SYN2: variants seen among roughly 807,000 people sequenced by gnomAD.
SYN2 encodes synapsin II, also known as synapsin-2.
SYN2 carries 19 observed loss-of-function variants against 50.9 expected under a neutral mutation model. The observed-to-expected ratio is 0.37, with a 90% confidence interval of 0.26 to 0.55. The LOEUF is 0.55. Among genes scored for constraint, SYN2 ranks in the 20% least tolerant of loss-of-function variants. The pLI, the probability that SYN2 is intolerant of heterozygous loss-of-function variation, is 0.81. For synonymous variants in SYN2, 255 were observed against 224.9 expected (o/e 1.13, Z -1.20); for missense variants, 587 against 576.4 (o/e 1.02, Z -0.19).
At chr3:12,076,797 G>C (rs1695477652) in intron 1 of SYN2, among the ~76,000 whole-genome samples, 1 of 152,078 alleles carries the variant, frequency 6.6e-6, no homozygotes, top group South Asian at 2.1e-4. Context: ...AGACCTCTTT[G>C]AAACTGTTTC....
At chr3:12,126,502 C>T (rs970732151) in intron 1 of SYN2, among the ~76,000 whole-genome samples, 2 of 152,126 alleles carry the variant, frequency 1.3e-5, no homozygotes, top group African/African-American at 2.4e-5. Flanking sequence ...TATTAGAAGC[C>T]CTGTGGGTAA....
intron 11 of SYN2, chr3:12,185,601 G>C: frequency 1.0e-6 from 1 of 985,842 alleles, no homozygotes; most frequent in Non-Finnish European, 1.2e-6. Flanking sequence ...CTTTCCTGAC[G>C]TTGTCCCCTT....
At chr3:12,138,803 G>C (rs1386858032) in intron 1 of SYN2, among the ~76,000 whole-genome samples, 1 of 152,210 alleles carries the variant, frequency 6.6e-6, no homozygotes, top group East Asian at 1.9e-4. Flanking sequence ...AAGCATTGCT[G>C]ATAACAAGGT....
intron 1 of SYN2, among the ~76,000 whole-genome samples, chr3:12,090,430 T>C (rs555150609): frequency 2.4e-4 from 36 of 152,228 alleles, no homozygotes; most frequent in Non-Finnish European, 5.0e-4. Flanking sequence ...TGACACAATG[T>C]AGTGGAAGGA....
At chr3:12,185,879 A>G (rs909796630) in intron 11 of SYN2, among the ~76,000 whole-genome samples, 3 of 152,220 alleles carry the variant, frequency 2.0e-5, no homozygotes, top group African/African-American at 7.2e-5. Flanking sequence ...GGAAGTGGCA[A>G]AAGCTGGTTA....
At chr3:12,185,326 T>C in intron 11 of SYN2, 8 of 985,710 alleles carry the variant, frequency 8.1e-6, no homozygotes, top group Non-Finnish European at 8.4e-6. Flanking sequence ...ATGTTATCAG[T>C]GTGTACATCT....
chr3:12,073,300 C>T (rs2125169720), intron 1 of SYN2, among the ~76,000 whole-genome samples: 1 of 152,114 alleles, frequency 6.6e-6, no homozygotes, highest in Admixed American at 6.5e-5. Flanking sequence ...GATGAGTCAC[C>T]CAGCGAGGTA....
Position 12,122,643 on chromosome 3 carries a change from T to G in SYN2, c.378-18008T>G, listed in dbSNP as rs550839512. ...TATGTGCTGGACAGAAAAAAATGCT[T>G]CCTTTGAGAATTCATAACTACAGGC... On this transcript the variant is annotated intron_variant, in intron 1 of 12. Coordinates refer to ENST00000621198, the MANE Select transcript of SYN2 (RefSeq NM_133625.6). Among the ~76,000 whole-genome samples, 4 of 152,290 alleles carry G rather than the reference T, an allele frequency of 2.6e-5. No homozygotes were observed. In the East Asian group the frequency reaches 7.7e-4, roughly 29 times the overall value.
intron 1 of SYN2, among the ~76,000 whole-genome samples, chr3:12,042,742 C>T (rs1269915949): frequency 6.6e-6 from 1 of 152,130 alleles, no homozygotes. Context: ...ATCCTAAATC[C>T]AATGGCTGGT....
chr3:12,044,183 A>ACTCTCTCT, intron 1 of SYN2, among the ~76,000 whole-genome samples: 1 of 49,160 alleles, frequency 2.0e-5, no homozygotes, highest in African/African-American at 4.3e-5. Flanking sequence ...TCTCTCTCTC[A>ACTCTCTCT]CACACACACA....
intron 1 of SYN2, among the ~76,000 whole-genome samples, chr3:12,051,983 T>C (rs1389121673): frequency 6.6e-6 from 1 of 152,232 alleles, no homozygotes; most frequent in Non-Finnish European, 1.5e-5. Flanking sequence ...GGTTTTCTTT[T>C]TCATTCAGTT....
chr3:12,054,910 T>C (rs557848315), intron 1 of SYN2, among the ~76,000 whole-genome samples: 1 of 152,274 alleles, frequency 6.6e-6, no homozygotes, highest in East Asian at 1.9e-4. Flanking sequence ...ATAATTTTTC[T>C]TCAAAATTTA....
At chr3:12,127,261 C>G (rs1396739230) in intron 1 of SYN2, among the ~76,000 whole-genome samples, 1 of 152,172 alleles carries the variant, frequency 6.6e-6, no homozygotes, top group East Asian at 1.9e-4. Context: ...GACAAATTCA[C>G]TGAGAAAAGA....
chr3:12,152,494 C>T (rs562864723), intron 5 of SYN2, among the ~76,000 whole-genome samples: 1 of 152,292 alleles, frequency 6.6e-6, no homozygotes, highest in South Asian at 2.1e-4. Context: ...GGGATCAAAA[C>T]TGGCTTTTTC....
intron 1 of SYN2, among the ~76,000 whole-genome samples, chr3:12,103,359 A>G (rs1382262449): frequency 2.6e-5 from 4 of 152,226 alleles, no homozygotes; most frequent in Admixed American, 2.0e-4. Context: ...GCTTTTCTGT[A>G]TGTCAAGATG....
chr3:12,180,182 C>T (rs1381823945), intron 10 of SYN2, among the ~76,000 whole-genome samples: 1 of 151,806 alleles, frequency 6.6e-6, no homozygotes, highest in Non-Finnish European at 1.5e-5. Flanking sequence ...CTCCTGGGCT[C>T]AAGTGATCCA....
At chr3:12,112,503 G>T (rs1236128598) in intron 1 of SYN2, among the ~76,000 whole-genome samples, 1 of 152,044 alleles carries the variant, frequency 6.6e-6, no homozygotes, top group Non-Finnish European at 1.5e-5. Context: ...TTGCAGTGGA[G>T]TTACAAGTCT....
chr3:12,122,005 G>A (rs1479020068), intron 1 of SYN2, among the ~76,000 whole-genome samples: 1 of 152,012 alleles, frequency 6.6e-6, no homozygotes, highest in African/African-American at 2.4e-5. Context: ...GAACCGATTA[G>A]CCAAGACCCA....
intron 1 of SYN2, among the ~76,000 whole-genome samples, chr3:12,033,467 G>C (rs1401538632): frequency 1.3e-5 from 2 of 151,914 alleles, no homozygotes; most frequent in African/African-American, 4.8e-5. Context: ...AGGCAGACTA[G>C]GGTACGAGAG....
Sources: gnomAD v4.1 joint callset for allele counts (sites outside exome capture counted in the v4.1 genomes callset) on GRCh38, gnomAD v4.1.1 for gene constraint, MANE v1.5 for transcripts, NCBI Gene and HGNC (gene_info 2026-07-23, HGNC 2026-07-21) for gene names.